The following COL5A2 variants were observed in gnomAD, a reference collection of about 807,000 sequenced individuals.
The protein encoded by COL5A2 is collagen type V alpha 2 chain.
Under a neutral mutation model 208.2 loss-of-function variants are expected in COL5A2, and 23 were observed. The observed-to-expected ratio is 0.11, with a 90% CI of 0.08 to 0.16. The LOEUF (loss-of-function observed/expected upper bound fraction) is 0.16. COL5A2 is among the 10% of genes least tolerant of loss of function. The pLI, the probability that COL5A2 is intolerant of heterozygous loss-of-function variation, is 1.00. For synonymous variants in COL5A2, 625 were observed against 628.5 expected (o/e 0.99, Z 0.08); for missense variants, 1,590 against 1,956.4 (o/e 0.81, Z 3.53).
intron 1 of COL5A2, among the ~76,000 whole-genome samples, chr2:189,161,839 T>C (rs1407265489): frequency 6.6e-6 from 1 of 152,176 alleles, no homozygotes; most frequent in Non-Finnish European, 1.5e-5. Flanking sequence ...TAAAAGGATT[T>C]ATTGTGTGCT....
At chr2:189,341,512 T>C in the COL5A2 span, among the ~76,000 whole-genome samples, 3 of 152,154 alleles carry the variant, frequency 2.0e-5, no homozygotes, top group African/African-American at 7.2e-5. Flanking sequence ...AAATTCAGTA[T>C]GAAGATAAAT....
chr2:189,407,999 G>A, the COL5A2 span, among the ~76,000 whole-genome samples: 1 of 152,166 alleles, frequency 6.6e-6, no homozygotes, highest in Non-Finnish European at 1.5e-5. Context: ...GATAGTGAAA[G>A]TAGACTGCAT....
chr2:189,328,168 C>T, the COL5A2 span, among the ~76,000 whole-genome samples: 2 of 152,108 alleles, frequency 1.3e-5, no homozygotes, highest in African/African-American at 2.4e-5. Flanking sequence ...ACAATGAACC[C>T]ATTTTGAGTG....
At chr2:189,200,057 T>C (rs1417981808) in intron 1 of COL5A2, among the ~76,000 whole-genome samples, 2 of 152,192 alleles carry the variant, frequency 1.3e-5, no homozygotes, top group Non-Finnish European at 2.9e-5. Flanking sequence ...TCCAGTGAAG[T>C]AGCTTTTTCC....
the COL5A2 span, among the ~76,000 whole-genome samples, chr2:189,348,753 G>GA: frequency 6.6e-6 from 1 of 152,156 alleles, no homozygotes; most frequent in Non-Finnish European, 1.5e-5. Flanking sequence ...AGACTCCATG[G>GA]AAAAGAGTGC....
At chr2:189,209,591 G>C (rs1035659537) in intron 1 of COL5A2, among the ~76,000 whole-genome samples, 1 of 152,112 alleles carries the variant, frequency 6.6e-6, no homozygotes, top group Non-Finnish European at 1.5e-5. Context: ...CAGTCTTTTG[G>C]TTCTAAAGAA....
upstream of COL5A2, among the ~76,000 whole-genome samples, chr2:189,184,542 G>T (rs1688822783): frequency 6.6e-6 from 1 of 152,160 alleles, no homozygotes; most frequent in East Asian, 1.9e-4. Flanking sequence ...ACTTTTAGAA[G>T]TTACCTGCAT....
the COL5A2 span, among the ~76,000 whole-genome samples, chr2:189,420,498 C>A: frequency 6.6e-6 from 1 of 152,038 alleles, no homozygotes; most frequent in Non-Finnish European, 1.5e-5. Context: ...AGTCTCCAAT[C>A]TCGATTAATT....
chr2:189,195,195 A>G (rs902346816), intron 1 of COL5A2, among the ~76,000 whole-genome samples: 1 of 152,188 alleles, frequency 6.6e-6, no homozygotes, highest in South Asian at 2.1e-4. Context: ...CAGCCAAATC[A>G]TGAATGAACT....
At chr2:189,175,629 C>T (rs4233801) in intron 1 of COL5A2, among the ~76,000 whole-genome samples, 87,882 of 150,426 alleles carry the variant, frequency 0.58, 27,091 homozygotes, top group East Asian at 0.72. Context: ...CTGCAACCTC[C>T]GCCTCCCGGG....
At chr2:189,311,154 A>G in the COL5A2 span, 1 of 645,156 alleles carries the variant, frequency 1.6e-6, no homozygotes, top group Non-Finnish European at 2.7e-6. Context: ...GTGGACCCCC[A>G]GCACTGCACA....
chr2:189,042,734 G>C lies in COL5A2; in HGVS notation c.3511C>G (p.Pro1171Ala). The change falls in exon 49 of 54, where the codon CCA (proline) becomes GCA (alanine). Residue 1171 changes from proline to alanine, a missense_variant. Transcript: ENST00000374866. ...GEQGSAGIPGPFGPRGPPGPV... is the reference protein window; with the variant it reads ...GEQGSAGIPGAFGPRGPPGPV... ...TTGTTACTTACTCTTGGGCCAAATG[G>C]TCCAGGGATTCCAGCACTTCCTTGT... The C allele has an allele frequency of 6.2e-7, 1 of 1,608,000 alleles. No homozygotes were observed. Among genetic ancestry groups the C allele is most frequent in the Non-Finnish European group, 8.5e-7 (1 of 1,176,546 alleles).
chr2:189,058,594 A>C (rs1489855809), intron 32 of COL5A2, 67 bp from the exon 33 acceptor site: 2 of 1,402,582 alleles, frequency 1.4e-6, no homozygotes, highest in East Asian at 4.6e-5. Flanking sequence ...AATGTTTCTG[A>C]GAAATGGCTT....
At chr2:189,168,082 C>A (rs945650106) in intron 1 of COL5A2, among the ~76,000 whole-genome samples, 1 of 151,862 alleles carries the variant, frequency 6.6e-6, no homozygotes, top group Non-Finnish European at 1.5e-5. Context: ...GGACTACAGG[C>A]GCCCACCACC....
chr2:189,311,739 C>T, the COL5A2 span: 3 of 769,818 alleles, frequency 3.9e-6, no homozygotes, highest in Non-Finnish European at 7.0e-6. Context: ...TCTGCTGAGA[C>T]CAGTACTTGT....
At chr2:189,263,115 A>C in the COL5A2 span, among the ~76,000 whole-genome samples, 1 of 152,130 alleles carries the variant, frequency 6.6e-6, no homozygotes, top group African/African-American at 2.4e-5. Flanking sequence ...TCTTCCCTGC[A>C]TTCCAGGAAA....
At chr2:189,264,560 G>C in the COL5A2 span, among the ~76,000 whole-genome samples, 8 of 152,180 alleles carry the variant, frequency 5.3e-5, no homozygotes, top group South Asian at 4.1e-4. Flanking sequence ...GAAAAGCAAA[G>C]AGACAGTTAC....
the COL5A2 span, among the ~76,000 whole-genome samples, chr2:189,254,969 T>C: frequency 3.9e-3 from 601 of 152,350 alleles, 2 homozygotes; most frequent in Non-Finnish European, 6.8e-3. Flanking sequence ...TATTTATTCA[T>C]CAGACACACA....
At chr2:189,326,896 C>T in the COL5A2 span, among the ~76,000 whole-genome samples, 5 of 151,794 alleles carry the variant, frequency 3.3e-5, no homozygotes, top group Non-Finnish European at 2.9e-5. Flanking sequence ...CATGGTGAAA[C>T]CACATCTCTA....
Sources: gnomAD v4.1 joint callset for allele counts (sites outside exome capture counted in the v4.1 genomes callset) on GRCh38, gnomAD v4.1.1 for gene constraint, MANE v1.5 for transcripts, NCBI Gene and HGNC (gene_info 2026-07-23, HGNC 2026-07-21) for gene names.